LARGE1: variants seen among roughly 807,000 people sequenced by gnomAD.
LARGE1 encodes xylosyl- and glucuronyltransferase LARGE1.
In LARGE1, 43 loss-of-function variants were observed where a neutral mutation model predicts 87.6. The ratio of observed to expected loss-of-function variants is 0.49; its 90% CI spans 0.38 to 0.63. The LOEUF is 0.63. Among genes scored for constraint, LARGE1 ranks in the 30% least tolerant of loss-of-function variants. The pLI is 0.00. For missense variants in LARGE1, 802 were observed against 1,000.2 expected, an observed-to-expected ratio of 0.80 and a Z score of 2.67; for synonymous variants, 434 against 394.6, an observed-to-expected ratio of 1.10 and a Z score of -1.18.
chr22:33,432,374 A>T (rs1319598111), intron 6 of LARGE1, 109 bp from the exon 7 acceptor site: 1 of 807,212 alleles, frequency 1.2e-6, no homozygotes, highest in African/African-American at 1.7e-5. Flanking sequence ...AACAGTATTC[A>T]CTTACTGAGA....
intron 2 of LARGE1, among the ~76,000 whole-genome samples, chr22:33,707,689 C>T (rs1315132500): frequency 6.6e-6 from 1 of 152,206 alleles, no homozygotes; most frequent in Non-Finnish European, 1.5e-5. Flanking sequence ...TGCAAAGATA[C>T]AGATAAGTCC....
intron 2 of LARGE1, among the ~76,000 whole-genome samples, chr22:33,719,119 A>G (rs2083000998): frequency 6.6e-6 from 1 of 152,234 alleles, no homozygotes; most frequent in African/African-American, 2.4e-5. Context: ...AAAGTTTAAA[A>G]AGTAAAAATT....
intron 1 of LARGE1, among the ~76,000 whole-genome samples, chr22:33,886,514 T>C (rs564845887): frequency 6.6e-6 from 1 of 151,966 alleles, no homozygotes; most frequent in East Asian, 1.9e-4. Context: ...CTGTCTCTAC[T>C]AAAAATAGAA....
At chr22:33,440,803 T>C (rs2067438219) in intron 6 of LARGE1, among the ~76,000 whole-genome samples, 1 of 152,190 alleles carries the variant, frequency 6.6e-6, no homozygotes, top group African/African-American at 2.4e-5. Context: ...TTTCTGAACC[T>C]GTGTGTTTCA....
At chr22:33,497,320 C>T (rs1437742919) in intron 6 of LARGE1, among the ~76,000 whole-genome samples, 1 of 152,134 alleles carries the variant, frequency 6.6e-6, no homozygotes, top group Non-Finnish European at 1.5e-5. Flanking sequence ...AAGTGATCCA[C>T]CCACCTTGGC....
the LARGE1 span, among the ~76,000 whole-genome samples, chr22:33,091,682 C>T: frequency 1.8e-4 from 27 of 152,188 alleles, no homozygotes; most frequent in African/African-American, 5.1e-4. Context: ...TAGACATGGA[C>T]GGAAATCCCA....
the LARGE1 span, among the ~76,000 whole-genome samples, chr22:33,124,167 A>G: frequency 6.6e-6 from 1 of 151,908 alleles, no homozygotes; most frequent in Non-Finnish European, 1.5e-5. Flanking sequence ...GGTGCCTGTA[A>G]TATCAGCTAC....
intron 2 of LARGE1, among the ~76,000 whole-genome samples, chr22:33,760,557 G>A (rs238857): frequency 0.82 from 125,422 of 152,124 alleles, 51,941 homozygotes; most frequent in East Asian, 0.97. Context: ...TGTCTCCTCC[G>A]CTATCCTGTG....
chr22:33,493,698 C>A (rs2069967098), intron 6 of LARGE1, among the ~76,000 whole-genome samples: 1 of 152,164 alleles, frequency 6.6e-6, no homozygotes, highest in Admixed American at 6.5e-5. Flanking sequence ...AGGGATTGAA[C>A]CACTTTTCCA....
At position 33,549,235 on chromosome 22, in the gene LARGE1, CTTCA is replaced by C. The variant is rs565402308; in HGVS notation, c.787+15609_787+15612del. Among the ~76,000 whole-genome samples, 311 of 152,328 alleles carry C rather than the reference CTTCA, an allele frequency of 2.0e-3. 2 individuals carry two copies. The highest frequency in any genetic ancestry group is 7.1e-3 in the African/African-American group (294 of 41,574). Reference sequence around the variant, plus strand: ...GCAGAGAAGAGACCAGCATATTTGTCTTCATTGACAGGCCACATATGTCTTTGTC... The same window carrying C: ...GCAGAGAAGAGACCAGCATATTTGTCTTGACAGGCCACATATGTCTTTGTC... On this transcript the variant is annotated intron_variant, in intron 6 of 14. Coordinates refer to ENST00000397394, the MANE Select transcript of LARGE1 (RefSeq NM_133642.5).
chr22:33,729,695 G>C (rs573746612), intron 2 of LARGE1, among the ~76,000 whole-genome samples: 1 of 152,212 alleles, frequency 6.6e-6, no homozygotes, highest in South Asian at 2.1e-4. Context: ...GCGCTATCAA[G>C]GACAATGAAG....
At chr22:33,454,287 A>G (rs578045346) in intron 6 of LARGE1, among the ~76,000 whole-genome samples, 3 of 152,216 alleles carry the variant, frequency 2.0e-5, no homozygotes, top group Non-Finnish European at 2.9e-5. Flanking sequence ...TCACATTGCT[A>G]TAAAAAAAAT....
At chr22:33,848,280 T>C (rs2267302) in intron 1 of LARGE1, among the ~76,000 whole-genome samples, 48,485 of 152,086 alleles carry the variant, frequency 0.32, 8,815 homozygotes, top group East Asian at 0.51. Flanking sequence ...ACTGCAACAG[T>C]CTTCCTCACC....
chr22:33,901,630 C>T (rs1354501389), intron 1 of LARGE1, among the ~76,000 whole-genome samples: 1 of 152,140 alleles, frequency 6.6e-6, no homozygotes, highest in Admixed American at 6.5e-5. Context: ...AGGATCACAC[C>T]ACTGCACTCC....
At chr22:33,808,950 A>ACCCTC (rs2086402821) in intron 1 of LARGE1, among the ~76,000 whole-genome samples, 1 of 142,428 alleles carries the variant, frequency 7.0e-6, no homozygotes, top group Non-Finnish European at 1.5e-5. Context: ...TCCTTCCCTA[A>ACCCTC]CCCCGCCCAC....
intron 11 of LARGE1, among the ~76,000 whole-genome samples, chr22:33,223,920 C>A (rs1352882588): frequency 1.3e-5 from 2 of 152,204 alleles, no homozygotes; most frequent in Non-Finnish European, 2.9e-5. Flanking sequence ...CCAGCCCCAC[C>A]ATTGGTCGGC....
intron 2 of LARGE1, among the ~76,000 whole-genome samples, chr22:33,748,567 C>T (rs2145609054): frequency 6.6e-6 from 1 of 152,270 alleles, no homozygotes; most frequent in Non-Finnish European, 1.5e-5. Flanking sequence ...AACAGCACCC[C>T]CAATTTACGC....
At chr22:33,482,577 C>T (rs1174042980) in intron 6 of LARGE1, among the ~76,000 whole-genome samples, 1 of 152,042 alleles carries the variant, frequency 6.6e-6, no homozygotes, top group Non-Finnish European at 1.5e-5. Flanking sequence ...GAGAGCATTA[C>T]AAGAAATGCC....
At chr22:33,433,748 A>G (rs577275595) in intron 6 of LARGE1, among the ~76,000 whole-genome samples, 16 of 152,272 alleles carry the variant, frequency 1.1e-4, no homozygotes, top group African/African-American at 3.9e-4. Context: ...ACTGTTGGCC[A>G]ATTTGAGAAA....
Sources: allele counts gnomAD v4.1 joint callset (sites outside exome capture counted in the v4.1 genomes callset), GRCh38; gene constraint gnomAD v4.1.1; transcripts MANE v1.5; gene names NCBI Gene and HGNC (gene_info 2026-07-23, HGNC 2026-07-21).